The following TSPAN5 variants were observed in gnomAD, a reference collection of about 807,000 sequenced individuals.
TSPAN5 encodes the protein tetraspanin-5.
In TSPAN5, 10 loss-of-function variants were observed where a neutral mutation model predicts 37.1. The observed-to-expected ratio is 0.27, with a 90% CI of 0.17 to 0.46. The LOEUF is 0.46. Ranked by LOEUF, TSPAN5 falls within the 20% of genes least tolerant of loss-of-function variation. The pLI is 1.00. For missense variants in TSPAN5, 195 were observed against 326.6 expected, an observed-to-expected ratio of 0.60 and a Z score of 3.11; for synonymous variants, 110 against 118.9, an observed-to-expected ratio of 0.93 and a Z score of 0.48.
At chr4:98,527,977 T>C (rs545927889) in intron 1 of TSPAN5, among the ~76,000 whole-genome samples, 1 of 152,324 alleles carries the variant, frequency 6.6e-6, no homozygotes, top group South Asian at 2.1e-4. Flanking sequence ...ATATTCTTCC[T>C]CTCTTTTCTG....
At chr4:98,640,150 G>A (rs1024493683) in intron 1 of TSPAN5, among the ~76,000 whole-genome samples, 1 of 151,978 alleles carries the variant, frequency 6.6e-6, no homozygotes, top group Non-Finnish European at 1.5e-5. Context: ...CTGTAATCAT[G>A]CAAATATAAA....
At chr4:98,586,557 T>C (rs1755491972) in intron 1 of TSPAN5, among the ~76,000 whole-genome samples, 1 of 152,258 alleles carries the variant, frequency 6.6e-6, no homozygotes, top group African/African-American at 2.4e-5. Context: ...AACCCTTCTA[T>C]TCTTTTTCCT....
chr4:98,526,673 T>G (rs146497326), intron 1 of TSPAN5, among the ~76,000 whole-genome samples: 4 of 147,948 alleles, frequency 2.7e-5, no homozygotes, highest in African/African-American at 9.9e-5. Context: ...GATGCCAAGA[T>G]GAGGGAAGAT....
At chr4:98,621,792 C>CA (rs1345033118) in intron 1 of TSPAN5, among the ~76,000 whole-genome samples, 4 of 151,152 alleles carry the variant, frequency 2.6e-5, no homozygotes, top group Non-Finnish European at 5.9e-5. Context: ...ATTCCCACCC[C>CA]CCCCGCAGCC....
intron 1 of TSPAN5, among the ~76,000 whole-genome samples, chr4:98,521,708 T>C (rs1333552901): frequency 6.6e-6 from 1 of 152,240 alleles, no homozygotes; most frequent in African/African-American, 2.4e-5. Context: ...GCTTGCCCTG[T>C]GGGATGTCAG....
intron 1 of TSPAN5, among the ~76,000 whole-genome samples, chr4:98,587,915 A>C (rs555767937): frequency 1.3e-5 from 2 of 151,952 alleles, no homozygotes; most frequent in East Asian, 3.9e-4. Context: ...CAACAACAAC[A>C]AAACAAGGTG....
intron 1 of TSPAN5, among the ~76,000 whole-genome samples, chr4:98,513,350 G>A (rs1305787830): frequency 6.6e-6 from 1 of 152,154 alleles, no homozygotes; most frequent in Non-Finnish European, 1.5e-5. Context: ...GGGGTAGGCA[G>A]GCAGGTCTTT....
chr4:98,611,641 C>G (rs944612067), intron 1 of TSPAN5, among the ~76,000 whole-genome samples: 3 of 152,200 alleles, frequency 2.0e-5, no homozygotes, highest in African/African-American at 7.2e-5. Context: ...AACAAGCTGC[C>G]TCGTCTGTGA....
intron 1 of TSPAN5, among the ~76,000 whole-genome samples, chr4:98,602,197 T>TA (rs1755899553): frequency 6.6e-6 from 1 of 152,170 alleles, no homozygotes; most frequent in African/African-American, 2.4e-5. Flanking sequence ...ATGGCACTGA[T>TA]ACTCTTGCTC....
intron 2 of TSPAN5, among the ~76,000 whole-genome samples, chr4:98,507,345 T>G (rs1407248364): frequency 6.6e-6 from 1 of 152,198 alleles, no homozygotes; most frequent in Non-Finnish European, 1.5e-5. Context: ...GGTGGTTTAG[T>G]GATATTTATA....
chr4:98,639,057 G>T (rs907829825), intron 1 of TSPAN5, among the ~76,000 whole-genome samples: 1 of 152,114 alleles, frequency 6.6e-6, no homozygotes, highest in Non-Finnish European at 1.5e-5. Context: ...CGAAGAAATG[G>T]CCCAGGTAAA....
intron 3 of TSPAN5, 184 bp downstream of exon 3, chr4:98,486,554 C>G: frequency 3.3e-6 from 2 of 611,728 alleles, no homozygotes; most frequent in Non-Finnish European, 5.7e-6. Flanking sequence ...TGGTGTTGTA[C>G]TTATTAAGGA....
chr4:98,541,757 C>A (rs1754365386), intron 1 of TSPAN5, among the ~76,000 whole-genome samples: 1 of 151,348 alleles, frequency 6.6e-6, no homozygotes, highest in Non-Finnish European at 1.5e-5. Flanking sequence ...TTATGCCACA[C>A]TTTCTTGGGT....
chr4:98,656,971 T>A (rs1393871977), intron 1 of TSPAN5, among the ~76,000 whole-genome samples: 1 of 152,156 alleles, frequency 6.6e-6, no homozygotes, highest in African/African-American at 2.4e-5. Context: ...TAATTATTGA[T>A]CCTGCAGTTG....
At chr4:98,582,650 G>C (rs990346306) in intron 1 of TSPAN5, among the ~76,000 whole-genome samples, 3 of 152,154 alleles carry the variant, frequency 2.0e-5, no homozygotes, top group Non-Finnish European at 2.9e-5. Context: ...TGTTTGAGGA[G>C]TTCAAGCTGC....
chr4:98,625,066 AGG>A (rs1756569274), intron 1 of TSPAN5, among the ~76,000 whole-genome samples: 1 of 152,216 alleles, frequency 6.6e-6, no homozygotes, highest in Non-Finnish European at 1.5e-5. Flanking sequence ...ATAATAGGAA[AGG>A]GAGGAGGAGA....
intron 1 of TSPAN5, among the ~76,000 whole-genome samples, chr4:98,613,078 G>T (rs1756237459): frequency 6.6e-6 from 1 of 151,806 alleles, no homozygotes; most frequent in African/African-American, 2.4e-5. Flanking sequence ...ATTTTAGATG[G>T]GTGCCCAGGC....
At chr4:98,570,698 G>A (rs1440015206) in intron 1 of TSPAN5, among the ~76,000 whole-genome samples, 1 of 152,056 alleles carries the variant, frequency 6.6e-6, no homozygotes, top group Admixed American at 6.6e-5. Context: ...GAGAGAGATG[G>A]ACTCAAGAAA....
chr4:98,631,242 C>T (rs1264347390), intron 1 of TSPAN5, among the ~76,000 whole-genome samples: 1 of 152,102 alleles, frequency 6.6e-6, no homozygotes, highest in Admixed American at 6.5e-5. Flanking sequence ...GCTCTGAGAC[C>T]CACGGCAAGC....
Sources: gnomAD v4.1 joint callset for allele counts (sites outside exome capture counted in the v4.1 genomes callset) on GRCh38, gnomAD v4.1.1 for gene constraint, MANE v1.5 for transcripts, NCBI Gene and HGNC (gene_info 2026-07-23, HGNC 2026-07-21) for gene names.